Variants in PHF20L1 observed in about 807,000 individuals in gnomAD.
PHF20L1 encodes the protein PHD finger protein 20 like 1.
In PHF20L1, 44 loss-of-function variants were observed where a neutral mutation model predicts 125.5. The ratio of observed to expected loss-of-function variants is 0.35; its 90% CI spans 0.28 to 0.45. The LOEUF (loss-of-function observed/expected upper bound fraction) is 0.45, where lower values mean the gene tolerates loss of function less well. Among genes scored for constraint, PHF20L1 ranks in the 20% least tolerant of loss-of-function variants. The pLI is 1.00. For synonymous variants in PHF20L1, 380 were observed against 403.1 expected (o/e 0.94, Z 0.69); for missense variants, 1,012 against 1,217.2 (o/e 0.83, Z 2.51).
intron 6 of PHF20L1, chr8:132,803,584 C>G (rs1203480876): frequency 2.2e-6 from 1 of 452,892 alleles, no homozygotes; most frequent in African/African-American, 2.0e-5. Context: ...CCATGGAATA[C>G]CTGTTATTGA....
intron 2 of PHF20L1, among the ~76,000 whole-genome samples, chr8:132,792,699 A>G (rs1240623990): frequency 6.6e-6 from 1 of 152,222 alleles, no homozygotes; most frequent in Non-Finnish European, 1.5e-5. Flanking sequence ...CCTGGGGACT[A>G]CAAAAGTAAA....
chr8:132,782,817 G>A (rs1830589582), intron 2 of PHF20L1, among the ~76,000 whole-genome samples: 3 of 150,872 alleles, frequency 2.0e-5, no homozygotes, highest in African/African-American at 7.3e-5. Context: ...GTGTTGCCCA[G>A]GCTGGTCTTG....
intron 6 of PHF20L1, among the ~76,000 whole-genome samples, chr8:132,801,890 A>G (rs1385453053): frequency 1.3e-5 from 2 of 151,868 alleles, no homozygotes; most frequent in East Asian, 3.9e-4. Context: ...TAAAAGGTGC[A>G]GTATGATTCT....
At chr8:132,821,647 C>G (rs949995025) in intron 12 of PHF20L1, among the ~76,000 whole-genome samples, 8 of 151,888 alleles carry the variant, frequency 5.3e-5, no homozygotes, top group African/African-American at 1.7e-4. Context: ...GGGATTGCCT[C>G]TCTTTTTAGT....
intron 1 of PHF20L1, among the ~76,000 whole-genome samples, chr8:132,776,557 C>T (rs1829796371): frequency 2.0e-5 from 3 of 152,186 alleles, no homozygotes; most frequent in Admixed American, 2.0e-4. Context: ...AGGATACCCA[C>T]TCTCCCCCTC....
chr8:132,829,970 A>G lies in PHF20L1; in HGVS notation c.1745-2265A>G, dbSNP rs147491772. Among the ~76,000 whole-genome samples the G allele has an allele frequency of 2.0e-4, 30 of 152,158 alleles. No individual in the cohort carries two copies. The East Asian group carries it at 5.8e-3, about 30-fold the overall frequency. ...CGTGGTATTTATGATGATGAGTGTAAGTTTCCCATTGCTGCTGTTGCAAAT... is the reference window on the plus strand; with the variant it reads ...CGTGGTATTTATGATGATGAGTGTAGGTTTCCCATTGCTGCTGTTGCAAAT... On this transcript the variant is annotated intron_variant, in intron 14 of 20. Coordinates refer to ENST00000395386, the MANE Select transcript of PHF20L1 (RefSeq NM_016018.5).
At chr8:132,805,934 A>G (rs1342466708) in intron 8 of PHF20L1, among the ~76,000 whole-genome samples, 1 of 152,008 alleles carries the variant, frequency 6.6e-6, no homozygotes, top group East Asian at 1.9e-4. Flanking sequence ...GTAAACTATT[A>G]ACCTTGGAGA....
chr8:132,810,866 TG>T (rs1834311955), intron 8 of PHF20L1, 179 bp from the exon 9 acceptor site: 2 of 539,014 alleles, frequency 3.7e-6, no homozygotes, highest in Admixed American at 3.1e-5. Context: ...TCTCAAGTTC[TG>T]ATTCAGTCCC....
intron 8 of PHF20L1, chr8:132,810,574 A>T (rs1278259389): frequency 6.4e-6 from 1 of 156,750 alleles, no homozygotes; most frequent in African/African-American, 2.4e-5. Context: ...GATTAAAAGG[A>T]TCTAAATGAA....
At chr8:132,839,129 C>G (rs1230298775) in intron 17 of PHF20L1, 2 of 422,804 alleles carry the variant, frequency 4.7e-6, no homozygotes, top group Non-Finnish European at 8.6e-6. Flanking sequence ...AAGCAGTACA[C>G]TCAAGGTTCC....
intron 20 of PHF20L1, 101 bp downstream of exon 20, chr8:132,844,419 T>G: frequency 3.7e-6 from 3 of 819,348 alleles, no homozygotes; most frequent in Non-Finnish European, 5.8e-6. Flanking sequence ...AAACTGCAGA[T>G]ACTCTCCATA....
At chr8:132,801,607 CAGAGT>C (rs1328734116) in intron 6 of PHF20L1, among the ~76,000 whole-genome samples, 3 of 151,638 alleles carry the variant, frequency 2.0e-5, no homozygotes, top group African/African-American at 7.3e-5. Flanking sequence ...TGTTTGATAG[CAGAGT>C]AGAGTGACTA....
intron 2 of PHF20L1, among the ~76,000 whole-genome samples, chr8:132,785,935 C>T (rs1462075045): frequency 6.6e-6 from 1 of 151,994 alleles, no homozygotes; most frequent in Non-Finnish European, 1.5e-5. Context: ...GTAACTTACT[C>T]ATAAAAGGTG....
intron 1 of PHF20L1, 141 bp downstream of exon 1, chr8:132,775,786 C>T (rs185770947): frequency 2.7e-4 from 62 of 230,946 alleles, no homozygotes; most frequent in African/African-American, 1.3e-3. Flanking sequence ...ATTGTCTGGG[C>T]GCCGCAGCTC....
At chr8:132,783,775 T>C (rs2553595) in intron 2 of PHF20L1, among the ~76,000 whole-genome samples, 95,950 of 151,974 alleles carry the variant, frequency 0.63, 30,433 homozygotes, top group Admixed American at 0.68. Flanking sequence ...GCTGTAGACT[T>C]AGAAAAAATA....
Position 132,777,833 on chromosome 8 carries a change from G to A in PHF20L1, c.5G>A (p.Ser2Asn). The A allele has an allele frequency of 6.2e-7, 1 of 1,610,554 alleles. No individual in the cohort carries two copies. The highest frequency in any genetic ancestry group is 8.5e-7 in the Non-Finnish European group (1 of 1,176,862). Residue 2 changes from serine to asparagine, a missense_variant, in exon 2 of 21, where the codon AGT becomes AAT. By Grantham distance (46) the Ser-to-Asn change is conservative. Transcript: ENST00000395386. The stretch of plus-strand genomic sequence containing the variant: ...ACTGAAGAATAGGATCTCAAGATGA[G>A]TAAAAAGCCCCCAAATCGCCCTGGA... Reference protein sequence around the residue: MSKKPPNRPGIT... With the variant: MNKKPPNRPGIT...
At chr8:132,828,656 A>G (rs1276548616) in intron 14 of PHF20L1, among the ~76,000 whole-genome samples, 1 of 152,096 alleles carries the variant, frequency 6.6e-6, no homozygotes, top group Non-Finnish European at 1.5e-5. Context: ...TTTACAAGAC[A>G]TAATACTAAC....
intron 6 of PHF20L1, among the ~76,000 whole-genome samples, chr8:132,801,867 A>G (rs1833089451): frequency 6.6e-6 from 1 of 151,688 alleles, no homozygotes; most frequent in Non-Finnish European, 1.5e-5. Context: ...CATTTTAAAA[A>G]CATATTTAAA....
intron 12 of PHF20L1, among the ~76,000 whole-genome samples, chr8:132,823,495 A>G (rs1163641402): frequency 6.6e-6 from 1 of 151,986 alleles, no homozygotes; most frequent in Non-Finnish European, 1.5e-5. Context: ...CTGATGGCCT[A>G]GTACAGTTAA....
Sources: allele counts gnomAD v4.1 joint callset (sites outside exome capture counted in the v4.1 genomes callset), GRCh38; gene constraint gnomAD v4.1.1; transcripts MANE v1.5; gene names NCBI Gene and HGNC (gene_info 2026-07-23, HGNC 2026-07-21).